Variants in ALDH1A3 observed in about 807,000 individuals in gnomAD.
The protein encoded by ALDH1A3 is aldehyde dehydrogenase 1 family member A3.
A neutral mutation model predicts 57.5 loss-of-function variants in ALDH1A3; 28 were observed. That is an observed-to-expected ratio of 0.49 (90% CI 0.36 to 0.67). The LOEUF is 0.67. ALDH1A3 is among the 30% of genes least tolerant of loss of function. ALDH1A3 has a pLI of 0.00. For synonymous variants in ALDH1A3, 281 were observed against 264.8 expected (o/e 1.06, Z -0.59); for missense variants, 507 against 669.4 (o/e 0.76, Z 2.68).
At chr15:100,898,779 C>T (rs919152504) in intron 8 of ALDH1A3, among the ~76,000 whole-genome samples, 2 of 152,206 alleles carry the variant, frequency 1.3e-5, no homozygotes, top group African/African-American at 2.4e-5. Flanking sequence ...GGATAGCTTG[C>T]GTCTTGACAG....
intron 6 of ALDH1A3, chr15:100,895,051 G>A (rs565110638): frequency 6.6e-6 from 1 of 152,294 alleles, no homozygotes; most frequent in Admixed American, 6.5e-5. Flanking sequence ...ACGTGAACGA[G>A]GTGGCAGTCC....
intron 12 of ALDH1A3, among the ~76,000 whole-genome samples, chr15:100,910,271 T>C (rs1159299880): frequency 6.6e-6 from 1 of 152,268 alleles, no homozygotes; most frequent in African/African-American, 2.4e-5. Context: ...TCAGTAATTG[T>C]TGGCCATGAA....
intron 1 of ALDH1A3, among the ~76,000 whole-genome samples, chr15:100,884,166 G>A (rs1284799642): frequency 1.3e-5 from 2 of 152,206 alleles, no homozygotes; most frequent in East Asian, 3.8e-4. Context: ...AGGAGTTTGT[G>A]TGTCTTCTGG....
chr15:100,908,436 C>G lies in ALDH1A3; in HGVS notation c.1420C>G (p.Gln474Glu). 1.2e-6 allele frequency: 2 copies of G among 1,614,044 alleles called. No individual in the cohort carries two copies. Among genetic ancestry groups the G allele is most frequent in the Non-Finnish European group, 1.7e-6 (2 of 1,179,910 alleles). Reference sequence around the variant, plus strand: ...CAACTGCTACAACGCCCTCTATGCACAGGCTCCATTTGGTGGCTTTAAAAT... The same window carrying G: ...CAACTGCTACAACGCCCTCTATGCAGAGGCTCCATTTGGTGGCTTTAAAAT... ...WINCYNALYA[Q>E]APFGGFKMSG... is the part of the protein sequence containing the mutation. Residue 474 changes from glutamine (Q) to glutamate (E), a missense_variant, in exon 12 of 13, where the codon CAG (glutamine) becomes GAG (glutamate). This residue lies in a region of ALDH1A3 where 432 missense variants were observed against 608.4 expected (regional missense o/e 0.71). Coordinates refer to ENST00000329841, the MANE Select transcript of ALDH1A3 (RefSeq NM_000693.4).
At chr15:100,882,058 G>T (rs1398356967) in intron 1 of ALDH1A3, among the ~76,000 whole-genome samples, 1 of 152,256 alleles carries the variant, frequency 6.6e-6, no homozygotes, top group East Asian at 1.9e-4. Flanking sequence ...GAGTGGCCCG[G>T]CAGGTGGGTG....
Position 100,894,177 on chromosome 15 carries a change from G to A in ALDH1A3, c.666+95G>A. On this transcript the variant is annotated intron_variant, in intron 6 of 12. Coordinates refer to ENST00000329841, the MANE Select transcript of ALDH1A3 (RefSeq NM_000693.4). This position sits in a 1 kb window ranked among gnomAD's most constrained non-coding sequence, Gnocchi z 4.5. The stretch of plus-strand genomic sequence containing the variant: ...TCACGAGATGGGACAGTGGCAGACT[G>A]CTGGCAATCGAGTGGGAAGGGAATG... 1.4e-6 allele frequency: 2 copies of A among 1,461,746 alleles called. No homozygotes were observed. Among genetic ancestry groups the A allele is most frequent in the South Asian group, 2.6e-5 (2 of 77,238 alleles). 90.5% of individuals were successfully genotyped at this position (1,461,746 alleles called of 1,614,324 possible).
chr15:100,881,295 G>A (rs2041545533), intron 1 of ALDH1A3: 1 of 152,216 alleles, frequency 6.6e-6, no homozygotes, highest in African/African-American at 2.4e-5. Flanking sequence ...TCTTAATGTA[G>A]TTTTATTTGT....
At position 100,897,254 on chromosome 15, in the gene ALDH1A3, C is replaced by A. The variant is rs150136496; in HGVS notation, c.781-829C>A. Reference sequence around the variant, plus strand: ...GCTCACACCTTAGCATTGGAGAAAACAGTCTCAGACCCGGAAGAGCCTGGG... The same window carrying A: ...GCTCACACCTTAGCATTGGAGAAAAAAGTCTCAGACCCGGAAGAGCCTGGG... On this transcript the variant is annotated intron_variant, in intron 7 of 12. Transcript: ENST00000329841. 3.1e-3 allele frequency among the ~76,000 whole-genome samples: 467 copies of A among 152,342 alleles called. 1 individual carries two copies. Among genetic ancestry groups the A allele is most frequent in the Non-Finnish European group, 5.4e-3 (365 of 68,028 alleles).
At chr15:100,911,993 G>C (rs1474631551) in intron 12 of ALDH1A3, among the ~76,000 whole-genome samples, 2 of 152,162 alleles carry the variant, frequency 1.3e-5, no homozygotes, top group African/African-American at 4.8e-5. Flanking sequence ...GCATACAATG[G>C]ATTTATATAT....
At chr15:100,885,915 G>C (rs1225212232) in intron 2 of ALDH1A3, among the ~76,000 whole-genome samples, 1 of 152,216 alleles carries the variant, frequency 6.6e-6, no homozygotes, top group Non-Finnish European at 1.5e-5. Context: ...CTATTTGCAA[G>C]TGCAAGGTCT....
At chr15:100,891,746 C>T (rs868763608) in intron 3 of ALDH1A3, among the ~76,000 whole-genome samples, 9 of 152,228 alleles carry the variant, frequency 5.9e-5, no homozygotes, top group African/African-American at 1.4e-4. Flanking sequence ...GGATGACTGG[C>T]GGTTTCAGCG....
At chr15:100,891,019 T>A (rs1262907152) in intron 3 of ALDH1A3, among the ~76,000 whole-genome samples, 1 of 152,174 alleles carries the variant, frequency 6.6e-6, no homozygotes, top group East Asian at 1.9e-4. Context: ...AGTCCTGTGG[T>A]CTTTAGCAAC....
Position 100,907,126 on chromosome 15 carries a change from C to T in ALDH1A3, c.1239C>T (p.Phe413=), listed in dbSNP as rs750840249. The change falls in exon 11 of 13, where the codon TTC becomes TTT. Residue 413 remains phenylalanine, a synonymous_variant. Transcript: ENST00000329841. ...DNMRIAKEEI[F]GPVQPILKFK... ...ATTCTTGCAATTAATCATAGATTTT[C>T]GGGCCAGTGCAACCAATACTGAAGT... The T allele has an allele frequency of 7.4e-6, 12 of 1,611,602 alleles. No individual in the cohort carries two copies. Among genetic ancestry groups the T allele is most frequent in the East Asian group, 2.2e-5 (1 of 44,856 alleles).
intron 9 of ALDH1A3, among the ~76,000 whole-genome samples, chr15:100,903,908 A>G (rs1290141402): frequency 6.6e-6 from 1 of 152,176 alleles, no homozygotes; most frequent in Non-Finnish European, 1.5e-5. Flanking sequence ...TTAGCTTTCT[A>G]TGAATATGAC....
chr15:100,899,625 A>G (rs972633376), intron 8 of ALDH1A3, among the ~76,000 whole-genome samples: 5 of 152,254 alleles, frequency 3.3e-5, no homozygotes, highest in African/African-American at 1.2e-4. Flanking sequence ...GGAGCAGGAA[A>G]TGAGTCTGTT....
intron 12 of ALDH1A3, among the ~76,000 whole-genome samples, chr15:100,910,665 C>T (rs1055580614): frequency 3.3e-5 from 5 of 152,242 alleles, no homozygotes; most frequent in African/African-American, 4.8e-5. Context: ...ACAGGGATCA[C>T]CCTTGTCCGC....
At chr15:100,885,725 G>C (rs906793139) in intron 2 of ALDH1A3, among the ~76,000 whole-genome samples, 1 of 148,294 alleles carries the variant, frequency 6.7e-6, no homozygotes, top group Non-Finnish European at 1.5e-5. Flanking sequence ...AGCATTTCCC[G>C]CTGGTGTGTT....
intron 1 of ALDH1A3, chr15:100,880,212 T>C (rs962073519): frequency 1.4e-4 from 57 of 400,398 alleles, no homozygotes; most frequent in Non-Finnish European, 2.1e-4. Context: ...GGCTCGGCGC[T>C]GTGAGCCTCG....
chr15:100,898,211 G>T (rs1248775476), intron 8 of ALDH1A3, 26 bp downstream of exon 8: 1 of 1,602,188 alleles, frequency 6.2e-7, no homozygotes, highest in South Asian at 1.1e-5. Context: ...CCTGGGCTTT[G>T]CTGGGGCTTC....
Sources: allele counts gnomAD v4.1 joint callset (sites outside exome capture counted in the v4.1 genomes callset), GRCh38; gene constraint gnomAD v4.1.1; regional missense constraint gnomAD v4.1.1; non-coding constraint Gnocchi (gnomAD v3.1); transcripts MANE v1.5; gene names NCBI Gene and HGNC (gene_info 2026-07-23, HGNC 2026-07-21).